MICAL1: variants seen among roughly 807,000 people sequenced by gnomAD.
The protein encoded by MICAL1 is [F-actin]-monooxygenase MICAL1.
Under a neutral mutation model 131.8 loss-of-function variants are expected in MICAL1, and 95 were observed. That is an observed-to-expected ratio of 0.72 (90% CI 0.61 to 0.86). MICAL1 has a LOEUF of 0.86. Among genes scored for constraint, MICAL1 ranks in the 40% least tolerant of loss-of-function variants. The pLI is 0.00. For missense variants in MICAL1, 1,292 were observed against 1,380.6 expected, an observed-to-expected ratio of 0.94 and a Z score of 1.02; for synonymous variants, 546 against 554.2, an observed-to-expected ratio of 0.99 and a Z score of 0.21.
At chr6:109,463,935 A>G (rs1357992904) in intron 1 of MICAL1, 1 of 152,236 alleles carries the variant, frequency 6.6e-6, no homozygotes, top group East Asian at 1.9e-4. Flanking sequence ...TTATAGAGCC[A>G]GTGAAACTTG....
Position 109,455,583 on chromosome 6 carries a change from G to T in MICAL1, c.-44+136C>A. ...CAAAGTCCGGACGCGGCGTGAGCAG[G>T]GCTGGGCTGAGGGAAGACCTGCCTG... On this transcript the variant is annotated intron_variant, in intron 1 of 24. Transcript: ENST00000358807. This position sits in a 1 kb window ranked among gnomAD's most constrained non-coding sequence, Gnocchi z 4.7. The T allele has an allele frequency of 1.8e-6, 1 of 555,908 alleles. No individual in the cohort carries two copies. Among genetic ancestry groups the T allele is most frequent in the Non-Finnish European group, 2.3e-6 (1 of 436,660 alleles). The allele number at this position is 555,908 out of a possible 1,614,324, so 34.4% of individuals were successfully genotyped here. A position where few individuals can be genotyped will look rare whatever the true frequency, so the allele number is the denominator to read the frequency against.
At chr6:109,465,081 C>T (rs1217493537) in intron 1 of MICAL1, 10 of 152,178 alleles carry the variant, frequency 6.6e-5, no homozygotes, top group Admixed American at 3.3e-4. Context: ...ATGTCTTGAT[C>T]CAATTTTGTA....
upstream of MICAL1, among the ~76,000 whole-genome samples, chr6:109,459,684 A>G (rs766494571): frequency 2.0e-4 from 31 of 152,232 alleles, no homozygotes; most frequent in Non-Finnish European, 3.5e-4. Context: ...GAGAGGCTGC[A>G]AAGATTAAAC....
At chr6:109,457,902 A>C (rs993483549), upstream of MICAL1, among the ~76,000 whole-genome samples, 5 of 152,230 alleles carry the variant, frequency 3.3e-5, no homozygotes, top group Non-Finnish European at 5.9e-5. Flanking sequence ...ATTGTTCTGG[A>C]ATCCAGAAGG....
chr6:109,444,647 C>T (rs535405461), intron 24 of MICAL1, 78 bp downstream of exon 24: 29 of 1,514,742 alleles, frequency 1.9e-5, no homozygotes, highest in Non-Finnish European at 2.0e-5. Flanking sequence ...CATCATGTTG[C>T]TTGGTCAGTA....
rs374178476 is a variant in MICAL1, at chr6:109,447,175, G to A, written c.2125C>T (p.Arg709Cys). 1.1e-4 allele frequency: 182 copies of A among 1,614,172 alleles called. No individual in the cohort carries two copies. Among genetic ancestry groups the A allele is most frequent in the African/African-American group, 1.5e-4 (11 of 75,060 alleles). Reference sequence around the variant, plus strand: ...AAGAAATGGCCGTTGACACAGAGGCGTTCCAGGACATAGAGGTGTTCCCCA... The same window carrying A: ...AAGAAATGGCCGTTGACACAGAGGCATTCCAGGACATAGAGGTGTTCCCCA... ...LCGEHLYVLE[R>C]LCVNGHFFHR... Residue 709 changes from arginine (R) to cysteine (C), a missense_variant, in exon 17 of 25, where the codon CGC (arginine) becomes TGC (cysteine). Coordinates refer to ENST00000358807, the MANE Select transcript of MICAL1 (RefSeq NM_022765.4).
At chr6:109,450,854 A>G (rs1325329378) in intron 7 of MICAL1, among the ~76,000 whole-genome samples, 2 of 152,192 alleles carry the variant, frequency 1.3e-5, no homozygotes, top group Non-Finnish European at 2.9e-5. Context: ...CATCACTTAG[A>G]GACAACATGC....
chr6:109,451,691 A>G lies in MICAL1; in HGVS notation c.842T>C (p.Leu281Pro), dbSNP rs1562292076. The G allele has an allele frequency of 1.9e-6, 3 of 1,613,978 alleles. No individual in the cohort carries two copies. ...QSLLKATGID[L>P]ENIVYYKDDT... The stretch of plus-strand genomic sequence containing the variant: ...GTCCTTGTAGTACACAATGTTCTCC[A>G]GATCAATGCCTGGGGGTACAGGGCA... The change falls in exon 7 of 25, where the codon CTG becomes CCG. Residue 281 changes from leucine to proline, a missense_variant. By Grantham distance (98) the Leu-to-Pro change is moderately conservative. Coordinates refer to ENST00000358807, the MANE Select transcript of MICAL1 (RefSeq NM_022765.4).
chr6:109,456,936 T>C (rs557734628), upstream of MICAL1, among the ~76,000 whole-genome samples: 1 of 152,204 alleles, frequency 6.6e-6, no homozygotes, highest in Admixed American at 6.5e-5. Flanking sequence ...GCTGGCATTA[T>C]AAGATGCTGT....
intron 5 of MICAL1, 52 bp from the exon 6 acceptor site, chr6:109,452,453 T>C (rs1447208564): frequency 1.2e-6 from 2 of 1,610,922 alleles, no homozygotes; most frequent in Non-Finnish European, 1.7e-6. Context: ...TATAACAATC[T>C]AGAAAGGCCC....
In MICAL1 at chr6:109,455,690, C is replaced by T; in HGVS notation, c.-44+29G>A. On this transcript the variant is annotated intron_variant, in intron 1 of 24. Coordinates refer to ENST00000358807, the MANE Select transcript of MICAL1 (RefSeq NM_022765.4). The surrounding 1 kb of genome is among the most constrained non-coding windows in gnomAD (Gnocchi z 4.7). ...CACCTCACCCCACCCGGCCGCGGGG[C>T]TCGCAGCCGGCTCCGCTGGACGACT... 1.0e-6 allele frequency: 1 copy of T among 984,934 alleles called. No homozygotes were observed. Among genetic ancestry groups the T allele is most frequent in the African/African-American group, 1.8e-5 (1 of 57,072 alleles). 61.0% of individuals were successfully genotyped at this position (984,934 alleles called of 1,614,324 possible). A position where few individuals can be genotyped will look rare whatever the true frequency, so the allele number is the denominator to read the frequency against.
At position 109,462,458 on chromosome 6, in the gene MICAL1, G is replaced by C. The variant is rs965120649; in HGVS notation, c.14+3206C>G. 5 of 152,318 alleles carry C rather than the reference G, an allele frequency of 3.3e-5. No homozygotes were observed. In the South Asian group the frequency reaches 1.0e-3, roughly 32 times the overall value. The allele number at this position is 152,318 out of a possible 1,614,324, so 9.4% of individuals were successfully genotyped here. A position where few individuals can be genotyped will look rare whatever the true frequency, so the allele number is the denominator to read the frequency against. On this transcript the variant is annotated intron_variant, in intron 1 of 24. Coordinates refer to the MICAL1 transcript ENST00000630715. ...TTGAGACCCAGTAAGATATGATACA[G>C]ATTTAACAGACCTGGCTTGGCTCCT...
chr6:109,458,253 A>G (rs1413971377), upstream of MICAL1, among the ~76,000 whole-genome samples: 1 of 152,250 alleles, frequency 6.6e-6, no homozygotes, highest in Non-Finnish European at 1.5e-5. Flanking sequence ...ACATTGGCCA[A>G]TTCATATTGG....
chr6:109,447,577 C>G, intron 15 of MICAL1, 104 bp downstream of exon 15: 1 of 1,572,090 alleles, frequency 6.4e-7, no homozygotes, highest in Non-Finnish European at 8.7e-7. Context: ...GGTTACAGGA[C>G]CTGGGGTGGG....
chr6:109,458,335 C>A (rs1382515111), upstream of MICAL1, among the ~76,000 whole-genome samples: 2 of 152,194 alleles, frequency 1.3e-5, no homozygotes, highest in African/African-American at 2.4e-5. Context: ...GTGGCTCATG[C>A]CTGTAATCCC....
Position 109,445,761 on chromosome 6 carries a change from GCCCACTCACCT to G in MICAL1, c.2672_2673+9del. 6.2e-7 allele frequency: 1 copy of G among 1,607,622 alleles called. No homozygotes were observed. Among genetic ancestry groups the G allele is most frequent in the Non-Finnish European group, 8.5e-7 (1 of 1,177,118 alleles). ...GAGAGCGTTTTGTGGCTGCACGCTG[GCCCACTCACCT>G]GTTCCACATCTGAGTCCAAAGGCAC... On this transcript the variant is annotated splice_donor_variant and splice_donor_5th_base_variant and coding_sequence_variant and intron_variant, in exon 20 of 25. Coordinates refer to ENST00000358807, the MANE Select transcript of MICAL1 (RefSeq NM_022765.4). LOFTEE classifies it high-confidence loss of function.
rs549824894 is a variant in MICAL1 at position 109,447,216 on chromosome 6, T to C, written c.2084A>G (p.Asp695Gly). Residue 695 changes from aspartate to glycine, a missense_variant, in exon 17 of 25, where the codon GAC becomes GGC. Transcript: ENST00000358807. ...GTGTTCCCCACAAAGTGCACACAGG[T>C]CCCCAGCACCGGCCTGCGTGGACCC... ...PSQHQEAGAG[D>G]LCALCGEHLY... 376 of 1,613,920 alleles carry C rather than the reference T, an allele frequency of 2.3e-4. 3 individuals carry two copies. The South Asian group carries it at 3.9e-3, about 17-fold the overall frequency.
intron 4 of MICAL1, 50 bp downstream of exon 4, chr6:109,453,213 A>C (rs778828241): frequency 6.1e-6 from 9 of 1,475,856 alleles, no homozygotes; most frequent in Non-Finnish European, 4.7e-6. Context: ...GACACTGGCC[A>C]AGTTCTTGAT....
chr6:109,457,479 C>T (rs1277652101), upstream of MICAL1, among the ~76,000 whole-genome samples: 1 of 151,902 alleles, frequency 6.6e-6, no homozygotes, highest in African/African-American at 2.4e-5. Context: ...TGAACTGTCA[C>T]GCTGGAAACA....
Sources: gnomAD v4.1 joint callset for allele counts (sites outside exome capture counted in the v4.1 genomes callset) on GRCh38, gnomAD v4.1.1 for gene constraint, Gnocchi (gnomAD v3.1) non-coding constraint, MANE v1.5 for transcripts, NCBI Gene and HGNC (gene_info 2026-07-23, HGNC 2026-07-21) for gene names.